The following STXBP5L variants were observed in gnomAD, a reference collection of about 807,000 sequenced individuals.
STXBP5L encodes the protein syntaxin-binding protein 5-like.
In STXBP5L, 65 loss-of-function variants were observed where a neutral mutation model predicts 144.5. That is an observed-to-expected ratio of 0.45 (90% confidence interval 0.37 to 0.55). STXBP5L has a LOEUF of 0.55. Ranked by LOEUF, STXBP5L falls within the 20% of genes least tolerant of loss-of-function variation. STXBP5L has a pLI of 0.00. For synonymous variants in STXBP5L, 505 were observed against 469.6 expected (o/e 1.08, Z -0.97); for missense variants, 1,298 against 1,405.5 (o/e 0.92, Z 1.22).
At chr3:121,096,321 G>A (rs994677638) in intron 5 of STXBP5L, among the ~76,000 whole-genome samples, 11 of 152,184 alleles carry the variant, frequency 7.2e-5, no homozygotes, top group Admixed American at 5.2e-4. Flanking sequence ...GCCTGGAGGA[G>A]TTTGTTGTTA....
At chr3:120,920,680 A>G (rs1229004697) in intron 2 of STXBP5L, among the ~76,000 whole-genome samples, 1 of 151,576 alleles carries the variant, frequency 6.6e-6, no homozygotes, top group Non-Finnish European at 1.5e-5. Flanking sequence ...CTGGCAAACA[A>G]TATACTCTCT....
intron 3 of STXBP5L, among the ~76,000 whole-genome samples, chr3:120,969,815 C>G (rs1339882781): frequency 6.6e-6 from 1 of 151,900 alleles, no homozygotes; most frequent in African/African-American, 2.4e-5. Flanking sequence ...AGATTATTTT[C>G]TGTTTACATT....
intron 19 of STXBP5L, among the ~76,000 whole-genome samples, chr3:121,312,446 C>CATT (rs1468535221): frequency 5.1e-3 from 65 of 12,750 alleles, no homozygotes; most frequent in Non-Finnish European, 6.3e-3. Context: ...GTATGTCAAT[C>CATT]TTTTTTTTTT....
intron 21 of STXBP5L, among the ~76,000 whole-genome samples, chr3:121,380,227 A>G (rs891476124): frequency 6.6e-6 from 1 of 152,136 alleles, no homozygotes; most frequent in Non-Finnish European, 1.5e-5. Context: ...TTGTCTCCAA[A>G]TCTGTAAAAC....
chr3:121,224,701 T>A (rs2049068420), intron 11 of STXBP5L, among the ~76,000 whole-genome samples: 1 of 152,120 alleles, frequency 6.6e-6, no homozygotes, highest in Admixed American at 6.6e-5. Context: ...TAAGTCTGAT[T>A]ATGAGAGAGT....
rs550443953 is a variant in STXBP5L at position 121,128,568 on chromosome 3, G to T, written c.669+6864G>T. ...GTAGGAGTTGATGCAAGAGAGCCAG[G>T]TTCCATAATATTCATGGATTGTAGA... On this transcript the variant is annotated intron_variant, in intron 7 of 26. Coordinates refer to ENST00000471454, the MANE Select transcript of STXBP5L (RefSeq NM_001308330.2). 2.6e-5 allele frequency among the ~76,000 whole-genome samples: 4 copies of T among 152,112 alleles called. No individual in the cohort carries two copies. The South Asian group carries it at 8.3e-4, about 32-fold the overall frequency.
chr3:121,102,279 G>T (rs1330938147), intron 5 of STXBP5L, among the ~76,000 whole-genome samples: 1 of 151,992 alleles, frequency 6.6e-6, no homozygotes, highest in African/African-American at 2.4e-5. Context: ...AAAGAACAAA[G>T]CCAGACACAT....
chr3:121,100,286 A>G lies in STXBP5L; in HGVS notation c.471-14639A>G, dbSNP rs538155174. Among the ~76,000 whole-genome samples the G allele has an allele frequency of 3.0e-3, 463 of 152,230 alleles. 1 individual carries two copies. Among genetic ancestry groups the G allele is most frequent in the Non-Finnish European group, 5.4e-3 (367 of 67,994 alleles). ...CTACATAATACTCCACCCATCAACT[A>G]TAGGATACTCACTCTTGTCTTCTGC... On this transcript the variant is annotated intron_variant, in intron 5 of 26. Coordinates refer to ENST00000471454, the MANE Select transcript of STXBP5L (RefSeq NM_001308330.2).
intron 9 of STXBP5L, among the ~76,000 whole-genome samples, chr3:121,174,378 G>T (rs36109830): frequency 2.0e-5 from 3 of 151,840 alleles, no homozygotes; most frequent in Non-Finnish European, 4.4e-5. Flanking sequence ...TGATATTTTA[G>T]GCTAAAGCTG....
intron 10 of STXBP5L, among the ~76,000 whole-genome samples, chr3:121,211,402 A>G (rs755268453): frequency 6.6e-6 from 1 of 152,068 alleles, no homozygotes; most frequent in Non-Finnish European, 1.5e-5. Context: ...CTCTTTTCCC[A>G]ATTGAAAACC....
At chr3:121,390,247 T>A (rs1430415241) in intron 22 of STXBP5L, among the ~76,000 whole-genome samples, 1 of 152,184 alleles carries the variant, frequency 6.6e-6, no homozygotes, top group Non-Finnish European at 1.5e-5. Flanking sequence ...TTGGTAGATC[T>A]TCCTCCATCC....
chr3:120,991,850 T>G (rs991555808), intron 3 of STXBP5L, among the ~76,000 whole-genome samples: 3 of 152,014 alleles, frequency 2.0e-5, no homozygotes, highest in African/African-American at 7.2e-5. Flanking sequence ...TTAGGAGATA[T>G]ATGTAATGTT....
chr3:121,156,015 G>A (rs1284983616), intron 8 of STXBP5L, among the ~76,000 whole-genome samples: 1 of 151,726 alleles, frequency 6.6e-6, no homozygotes, highest in Non-Finnish European at 1.5e-5. Flanking sequence ...ACTTTCCCTT[G>A]AACCACCTAC....
chr3:121,080,486 A>C (rs888643974), intron 5 of STXBP5L, among the ~76,000 whole-genome samples: 1 of 152,104 alleles, frequency 6.6e-6, no homozygotes, highest in Admixed American at 6.6e-5. Context: ...CAAGATTTAG[A>C]ACTTTAGAAT....
At chr3:121,014,795 A>G (rs932984382) in intron 3 of STXBP5L, among the ~76,000 whole-genome samples, 4 of 152,126 alleles carry the variant, frequency 2.6e-5, no homozygotes, top group Non-Finnish European at 5.9e-5. Flanking sequence ...CAATGAATCT[A>G]AAAAGCAACT....
At chr3:120,938,768 G>A (rs1710401063) in intron 2 of STXBP5L, among the ~76,000 whole-genome samples, 1 of 152,052 alleles carries the variant, frequency 6.6e-6, no homozygotes, top group African/African-American at 2.4e-5. Context: ...TTGAACAGTT[G>A]ATTAGCCTTT....
intron 6 of STXBP5L, among the ~76,000 whole-genome samples, chr3:121,119,666 A>T (rs376215877): frequency 3.3e-5 from 5 of 151,318 alleles, no homozygotes; most frequent in African/African-American, 4.8e-5. Context: ...TCAATTTCTC[A>T]TGACCATAAG....
At chr3:121,408,093 T>C (rs2047036282) in intron 23 of STXBP5L, among the ~76,000 whole-genome samples, 1 of 151,988 alleles carries the variant, frequency 6.6e-6, no homozygotes, top group African/African-American at 2.4e-5. Context: ...CCATTTTACA[T>C]GTGTTAATAA....
chr3:121,375,209 A>C (rs557305710), intron 20 of STXBP5L, among the ~76,000 whole-genome samples: 2 of 152,292 alleles, frequency 1.3e-5, no homozygotes, highest in East Asian at 3.9e-4. Flanking sequence ...AATAACTGAA[A>C]AGTTCCTAAG....
Sources: gnomAD v4.1 joint callset for allele counts (sites outside exome capture counted in the v4.1 genomes callset) on GRCh38, gnomAD v4.1.1 for gene constraint, MANE v1.5 for transcripts, NCBI Gene and HGNC (gene_info 2026-07-23, HGNC 2026-07-21) for gene names.